The following KLF11 variants were observed in gnomAD, a reference collection of about 807,000 sequenced individuals.
The protein encoded by KLF11 is KLF transcription factor 11.
KLF11 carries 26 observed loss-of-function variants against 29.9 expected under a neutral mutation model. That is an observed-to-expected ratio of 0.87 (90% CI 0.64 to 1.21). KLF11 has a LOEUF of 1.21. Ranked by LOEUF, KLF11 falls within the 50% of genes most tolerant of loss-of-function variation. KLF11 has a pLI of 0.00. For synonymous variants in KLF11, 318 were observed against 257.4 expected (o/e 1.24, Z -2.25); for missense variants, 778 against 665.7 (o/e 1.17, Z -1.86).
chr2:10,043,631 GCC>G lies in KLF11; in HGVS notation c.-85_-84del. ...GCAGGAGCTCCGGGTTGCCGCCGCC[GCC>G]GCCGCCCGCAGCCCACGTGCGGCCG... On this transcript the variant is annotated 5_prime_UTR_variant, in exon 1 of 4. Transcript: ENST00000305883. The G allele has an allele frequency of 1.0e-6, 1 of 979,174 alleles. No individual in the cohort carries two copies. The highest frequency in any genetic ancestry group is 3.8e-5 in the South Asian group (1 of 26,526). 60.7% of individuals were successfully genotyped at this position (979,174 alleles called of 1,614,324 possible). A position where few individuals can be genotyped will look rare whatever the true frequency, so the allele number is the denominator to read the frequency against.
chr2:10,051,954 G>A (rs970405293), intron 3 of KLF11, among the ~76,000 whole-genome samples: 2 of 152,168 alleles, frequency 1.3e-5, no homozygotes, highest in Non-Finnish European at 2.9e-5. Flanking sequence ...ATAGGTTTGA[G>A]CCGCTGTACT....
intron 3 of KLF11, among the ~76,000 whole-genome samples, chr2:10,051,270 G>A (rs556168427): frequency 5.3e-5 from 8 of 151,088 alleles, no homozygotes; most frequent in South Asian, 2.1e-4. Flanking sequence ...ATGCAATGGC[G>A]CGATCTCCGC....
At chr2:10,049,015 TATAGA>T (rs1402238648) in intron 3 of KLF11, among the ~76,000 whole-genome samples, 2 of 150,914 alleles carry the variant, frequency 1.3e-5, no homozygotes, top group East Asian at 3.9e-4. Flanking sequence ...CTGGCCAAAC[TATAGA>T]AAAGTTCAAA....
Position 10,052,268 on chromosome 2 carries a change from A to C in KLF11, c.1300A>C (p.Lys434Gln). ...FNCSWDGCDK[K>Q]FARSDELSRH... ...CTGCAGCTGGGATGGCTGTGATAAAAAGTTTGCTCGTTCGGATGAGCTGTC... is the reference window on the plus strand; with the variant it reads ...CTGCAGCTGGGATGGCTGTGATAAACAGTTTGCTCGTTCGGATGAGCTGTC... Residue 434 changes from lysine (K) to glutamine (Q), a missense_variant, in exon 4 of 4, where the codon AAG (lysine) becomes CAG (glutamine). By Grantham distance (53) the Lys-to-Gln change is moderately conservative. Transcript: ENST00000305883. The C allele has an allele frequency of 1.2e-6, 2 of 1,614,144 alleles. No homozygotes were observed. Among genetic ancestry groups the C allele is most frequent in the South Asian group, 2.2e-5 (2 of 91,070 alleles).
rs1661066985 is a variant in KLF11, at chr2:10,043,731, CT to C, written c.17del (p.Phe6SerfsTer49). 1.4e-6 allele frequency: 2 copies of C among 1,381,750 alleles called. No individual in the cohort carries two copies. The allele number at this position is 1,381,750 out of a possible 1,614,324, so 85.6% of individuals were successfully genotyped here. A position where few individuals can be genotyped will look rare whatever the true frequency, so the allele number is the denominator to read the frequency against. ...CGGCCTGCACGATGCACACGCCGGACTTCGCAGGCCCAGACGACGCGCGCGC... is the reference window on the plus strand; with the variant it reads ...CGGCCTGCACGATGCACACGCCGGACTCGCAGGCCCAGACGACGCGCGCGC... The part of the protein sequence containing the change: MHTPD[F>X]AGPDDARAVD... On this transcript the variant is annotated frameshift_variant, in exon 1 of 4. Transcript: ENST00000305883. LOFTEE classifies it high-confidence loss of function.
At chr2:10,050,872 G>A (rs1005668169) in intron 3 of KLF11, among the ~76,000 whole-genome samples, 1 of 142,298 alleles carries the variant, frequency 7.0e-6, no homozygotes, top group Non-Finnish European at 1.5e-5. Flanking sequence ...TTGGAGTAAG[G>A]TAGAGTGAAT....
Position 10,052,723 on chromosome 2 carries a change from G to GTTT in KLF11, c.*216_*217insTTT. On this transcript the variant is annotated 3_prime_UTR_variant, in exon 4 of 4. Transcript: ENST00000305883. ...GTAGTTTCAGAAGTTTTTTTGTTTT[G>GTTT]GTTTTTTTTTTAAAGAAATGGTAGA... is the stretch of plus-strand genomic sequence containing the variant. The GTTT allele has an allele frequency of 5.1e-6, 2 of 395,414 alleles. No homozygotes were observed. The highest frequency in any genetic ancestry group is 4.0e-5 in the East Asian group (1 of 24,954). 24.5% of individuals were successfully genotyped at this position (395,414 alleles called of 1,614,324 possible). A position where few individuals can be genotyped will look rare whatever the true frequency, so the allele number is the denominator to read the frequency against.
chr2:10,048,019 T>C lies in KLF11; in HGVS notation c.682T>C (p.Leu228=), dbSNP rs745538358. The change falls in exon 3 of 4, where the codon TTG becomes CTG. Residue 228 remains leucine (L), a synonymous_variant. Coordinates refer to ENST00000305883, the MANE Select transcript of KLF11 (RefSeq NM_003597.5). Reference sequence around the variant, plus strand: ...CACGGACAGTTTACTCAGCACTAACTTGGTGTCCTGTCAGCCCTGCTTGCA... The same window carrying C: ...CACGGACAGTTTACTCAGCACTAACCTGGTGTCCTGTCAGCCCTGCTTGCA... The part of the protein sequence containing the change: ...HLTDSLLSTN[L]VSCQPCLHKS... 3 of 1,614,190 alleles carry C rather than the reference T, an allele frequency of 1.9e-6. No individual in the cohort carries two copies. Among genetic ancestry groups the C allele is most frequent in the Non-Finnish European group, 1.7e-6 (2 of 1,180,042 alleles).
intron 2 of KLF11, 49 bp downstream of exon 2, chr2:10,046,468 G>T: frequency 6.3e-7 from 1 of 1,591,934 alleles, no homozygotes. Flanking sequence ...GACTAGAGTA[G>T]CTGAACTCAG....
chr2:10,048,930 TAAAGA>T (rs1313950456), intron 3 of KLF11, among the ~76,000 whole-genome samples: 1 of 112,346 alleles, frequency 8.9e-6, no homozygotes, highest in African/African-American at 3.2e-5. Context: ...TTTTTTTTTT[TAAAGA>T]AAACATGCAT....
chr2:10,049,361 A>G (rs1202537184), intron 3 of KLF11, among the ~76,000 whole-genome samples: 2 of 152,270 alleles, frequency 1.3e-5, no homozygotes, highest in African/African-American at 2.4e-5. Flanking sequence ...CAATCGCTTC[A>G]GTAGGTGAGG....
chr2:10,047,183 TCTTG>T (rs1042332205), intron 2 of KLF11, among the ~76,000 whole-genome samples: 4 of 152,222 alleles, frequency 2.6e-5, no homozygotes, highest in Admixed American at 6.5e-5. Flanking sequence ...AGTAAGTCAC[TCTTG>T]CTTTTTGTTT....
intron 3 of KLF11, among the ~76,000 whole-genome samples, chr2:10,050,669 A>G (rs1476186117): frequency 6.6e-6 from 1 of 152,006 alleles, no homozygotes; most frequent in African/African-American, 2.4e-5. Flanking sequence ...AGATTACGCC[A>G]CTGCACTCCA....
chr2:10,048,498 C>T lies in KLF11; in HGVS notation c.1161C>T (p.Asp387=), dbSNP rs117449189. 505 of 1,613,828 alleles carry T rather than the reference C, an allele frequency of 3.1e-4. 8 individuals are homozygous for T. The East Asian group carries it at 0.011, about 35-fold the overall frequency. The change falls in exon 3 of 4, where the codon GAC becomes GAT. Residue 387 remains aspartate, a synonymous_variant. Coordinates refer to ENST00000305883, the MANE Select transcript of KLF11 (RefSeq NM_003597.5). ...TSSQNCVPQV[D]FSRRRNYVCS... ...GCCAAAACTGTGTCCCTCAGGTAGACTTTTCCCGAAGGAGGAACTATGTAT... is the reference window on the plus strand; with the variant it reads ...GCCAAAACTGTGTCCCTCAGGTAGATTTTTCCCGAAGGAGGAACTATGTAT...
rs183240123 is a variant in KLF11 at position 10,053,389 on chromosome 2, G to A, written c.*882G>A. The A allele has an allele frequency of 2.4e-3, 974 of 398,602 alleles. 9 individuals carry two copies. Among genetic ancestry groups the A allele is most frequent in the African/African-American group, 0.018 (868 of 48,732 alleles). 24.7% of individuals were successfully genotyped at this position (398,602 alleles called of 1,614,324 possible). A position where few individuals can be genotyped will look rare whatever the true frequency, so the allele number is the denominator to read the frequency against. The stretch of plus-strand genomic sequence containing the variant: ...AAAAAAGAAACACTCAAATCCAGCT[G>A]CTTTGTCAATTGTCAGTTCTGACTC... On this transcript the variant is annotated 3_prime_UTR_variant, in exon 4 of 4. Transcript: ENST00000305883.
intron 1 of KLF11, chr2:10,044,053 C>A: frequency 4.3e-6 from 3 of 701,650 alleles, no homozygotes; most frequent in Non-Finnish European, 5.3e-6. Flanking sequence ...CATGACGTCA[C>A]CCCGGTCCTG....
Position 10,048,284 on chromosome 2 carries a change from C to T in KLF11, c.947C>T (p.Pro316Leu), listed in dbSNP as rs779146409. Residue 316 changes from proline (P) to leucine (L), a missense_variant, in exon 3 of 4, where the codon CCC (proline) becomes CTC (leucine). Physicochemically the swap from Pro to Leu is moderately conservative, Grantham distance 98. Coordinates refer to ENST00000305883, the MANE Select transcript of KLF11 (RefSeq NM_003597.5). ...CAGTTGTCTGTGGGGACTGTGAGAC[C>T]CATCCTAGCTCAGGCTGCTCCAGCG... ...PPQLSVGTVR[P>L]ILAQAAPAPQ... 4.4e-6 allele frequency: 7 copies of T among 1,604,154 alleles called. No individual in the cohort carries two copies. The highest frequency in any genetic ancestry group is 6.0e-6 in the Non-Finnish European group (7 of 1,174,120).
In KLF11 at chr2:10,048,525, C is replaced by A; in HGVS notation, c.1188C>A (p.Cys396Ter). ...VDFSRRRNYVCSFPGCRKTYF... is the reference protein window; with the variant it reads ...VDFSRRRNYV The stretch of plus-strand genomic sequence containing the variant: ...TTTCCCGAAGGAGGAACTATGTATG[C>A]AGCTTCCCAGGTTGCCGGAAGACCT... The change falls in exon 3 of 4, where the codon TGC becomes TGA. Residue 396 changes from cysteine (C) to a stop codon, truncating the protein, a stop_gained. Coordinates refer to ENST00000305883, the MANE Select transcript of KLF11 (RefSeq NM_003597.5). LOFTEE classifies it high-confidence loss of function. 1 of 1,612,464 alleles carries A rather than the reference C, an allele frequency of 6.2e-7. No homozygotes were observed. The highest frequency in any genetic ancestry group is 1.1e-5 in the South Asian group (1 of 91,084).
chr2:10,047,107 G>A (rs985010932), intron 2 of KLF11, among the ~76,000 whole-genome samples: 5 of 152,194 alleles, frequency 3.3e-5, no homozygotes, highest in African/African-American at 1.2e-4. Context: ...GATTGCCTTC[G>A]TTGGGTGGCA....
Sources: gnomAD v4.1 joint callset for allele counts (sites outside exome capture counted in the v4.1 genomes callset) on GRCh38, gnomAD v4.1.1 for gene constraint, MANE v1.5 for transcripts, NCBI Gene and HGNC (gene_info 2026-07-23, HGNC 2026-07-21) for gene names.